Variants in KLHL7 observed in about 807,000 individuals in gnomAD.
KLHL7 encodes the protein kelch-like protein 7.
In KLHL7, 44 loss-of-function variants were observed where a neutral mutation model predicts 67.4. The ratio of observed to expected loss-of-function variants is 0.65; its 90% CI spans 0.51 to 0.84. The LOEUF (loss-of-function observed/expected upper bound fraction) is 0.84. Among genes scored for constraint, KLHL7 ranks in the 40% least tolerant of loss-of-function variants. The probability of loss-of-function intolerance (pLI) is 0.00; values close to 1 mark genes in which losing one functional copy is unlikely to be tolerated. For synonymous variants in KLHL7, 252 were observed against 243.3 expected (o/e 1.04, Z -0.33); for missense variants, 362 against 718.1 (o/e 0.50, Z 5.67).
chr7:23,128,162 T>C (rs1413098008), intron 4 of KLHL7, among the ~76,000 whole-genome samples: 1 of 147,134 alleles, frequency 6.8e-6, no homozygotes, highest in Non-Finnish European at 1.5e-5. Flanking sequence ...AACTTAAAAA[T>C]ACGATGTGTA....
At chr7:23,123,944 G>A in intron 2 of KLHL7, 65 bp downstream of exon 2, 3 of 1,118,030 alleles carry the variant, frequency 2.7e-6, no homozygotes, top group Non-Finnish European at 4.0e-6. Context: ...ATCTAAAAGA[G>A]AATATGTCAT....
At chr7:23,121,664 A>G (rs1783347405) in intron 1 of KLHL7, among the ~76,000 whole-genome samples, 1 of 145,766 alleles carries the variant, frequency 6.9e-6, no homozygotes, top group South Asian at 2.1e-4. Context: ...GCCTTTCACT[A>G]TAGGTCAGTC....
intron 1 of KLHL7, among the ~76,000 whole-genome samples, chr7:23,121,355 C>G (rs1343167146): frequency 2.0e-5 from 3 of 152,116 alleles, no homozygotes; most frequent in African/African-American, 4.8e-5. Context: ...GATGCAATCA[C>G]AACTCACTGC....
chr7:23,125,096 C>CCAG lies in KLHL7; in HGVS notation c.368_369insGCA (p.Gln123dup). 1 of 1,611,798 alleles carries CCAG rather than the reference C, an allele frequency of 6.2e-7. No homozygotes were observed. Among genetic ancestry groups the CCAG allele is most frequent in the Non-Finnish European group, 8.5e-7 (1 of 1,178,028 alleles). ...TTCAGTCTTTGCTGGATGCAGCAAACCAATATCAGATTGAACCTGTGAAGA... is the reference window on the plus strand; with the variant it reads ...TTCAGTCTTTGCTGGATGCAGCAAACCAGCAATATCAGATTGAACCTGTGAAGA... On this transcript the variant is annotated inframe_insertion, in exon 4 of 11. Transcript: ENST00000339077.
intron 5 of KLHL7, 33 bp downstream of exon 5, chr7:23,140,977 T>TA: frequency 1.3e-6 from 2 of 1,557,282 alleles, no homozygotes; most frequent in Non-Finnish European, 1.8e-6. Flanking sequence ...TTTTTCTTAA[T>TA]AAAAATGTCT....
chr7:23,157,614 C>G (rs1784746018), intron 7 of KLHL7, among the ~76,000 whole-genome samples: 1 of 84,900 alleles, frequency 1.2e-5, no homozygotes, highest in Non-Finnish European at 2.7e-5. Context: ...TAGAGAGTCT[C>G]AATTTCTTTT....
chr7:23,164,886 T>A (rs1426809750), intron 7 of KLHL7, among the ~76,000 whole-genome samples: 2 of 152,232 alleles, frequency 1.3e-5, no homozygotes, highest in Non-Finnish European at 2.9e-5. Flanking sequence ...CCCTGATTAT[T>A]TTCAGAAAAT....
At chr7:23,159,375 G>T (rs1784796656) in intron 7 of KLHL7, among the ~76,000 whole-genome samples, 3 of 152,106 alleles carry the variant, frequency 2.0e-5, no homozygotes. Context: ...TCACTATGTT[G>T]CCCAGGCTGG....
intron 4 of KLHL7, among the ~76,000 whole-genome samples, chr7:23,131,140 T>C (rs993523812): frequency 1.3e-5 from 2 of 152,320 alleles, no homozygotes; most frequent in East Asian, 3.9e-4. Context: ...CAAGGATGCA[T>C]GCTTATGTAC....
At position 23,177,144 on chromosome 7, in the gene KLHL7, T is replaced by C. The variant is rs1217840386; in HGVS notation, c.*2846T>C. 1.3e-5 allele frequency: 2 copies of C among 152,312 alleles called. No homozygotes were observed. The highest frequency in any genetic ancestry group is 1.9e-4 in the East Asian group (1 of 5,186). 9.4% of individuals were successfully genotyped at this position (152,312 alleles called of 1,614,324 possible). ...AACACAGAAAACCTCCCAAACACCA[T>C]AGCCCTAGGCAACCACTAATCTACT... On this transcript the variant is annotated 3_prime_UTR_variant, in exon 11 of 11. Transcript: ENST00000339077.
At chr7:23,119,290 T>C (rs1490646900) in intron 1 of KLHL7, among the ~76,000 whole-genome samples, 1 of 152,120 alleles carries the variant, frequency 6.6e-6, no homozygotes. Flanking sequence ...CTGCAGCCTC[T>C]GTCTCCTGGG....
At chr7:23,121,928 C>T (rs964144664) in intron 1 of KLHL7, among the ~76,000 whole-genome samples, 14 of 152,054 alleles carry the variant, frequency 9.2e-5, no homozygotes, top group African/African-American at 2.9e-4. Flanking sequence ...GTGATCCGCC[C>T]GCCTCAGCCT....
At chr7:23,149,903 C>T (rs571146082) in intron 6 of KLHL7, among the ~76,000 whole-genome samples, 1 of 152,308 alleles carries the variant, frequency 6.6e-6, no homozygotes, top group African/African-American at 2.4e-5. Flanking sequence ...TAAAGATGTT[C>T]ATTAATTCAC....
chr7:23,163,066 T>A (rs1784894853), intron 7 of KLHL7, among the ~76,000 whole-genome samples: 1 of 152,244 alleles, frequency 6.6e-6, no homozygotes, highest in Admixed American at 6.5e-5. Context: ...ATACATTATA[T>A]AAAATCAGTC....
intron 4 of KLHL7, among the ~76,000 whole-genome samples, chr7:23,131,808 C>T (rs59087918): frequency 0.022 from 3,314 of 149,702 alleles, 135 homozygotes; most frequent in African/African-American, 0.077. Flanking sequence ...CCTCTGGTAA[C>T]CATCTTTCTA....
At position 23,174,975 on chromosome 7, in the gene KLHL7, A is replaced by G; in HGVS notation, c.*677A>G. On this transcript the variant is annotated 3_prime_UTR_variant, in exon 11 of 11. Transcript: ENST00000339077. Reference sequence around the variant, plus strand: ...AATGTAAAGCTTAGCACCCATCATTAATTTATGTCTCTGTTTTATCCAGTG... The same window carrying G: ...AATGTAAAGCTTAGCACCCATCATTGATTTATGTCTCTGTTTTATCCAGTG... The G allele has an allele frequency of 2.2e-6, 1 of 449,826 alleles. No homozygotes were observed. Among genetic ancestry groups the G allele is most frequent in the Non-Finnish European group, 4.5e-6 (1 of 224,536 alleles). 27.9% of individuals were successfully genotyped at this position (449,826 alleles called of 1,614,324 possible).
intron 5 of KLHL7, among the ~76,000 whole-genome samples, chr7:23,141,333 A>G (rs937571695): frequency 3.3e-5 from 5 of 152,228 alleles, no homozygotes; most frequent in Non-Finnish European, 7.3e-5. Flanking sequence ...GGGAAGCAAA[A>G]GAAGGCAGCG....
At chr7:23,118,531 C>T (rs1783193190) in intron 1 of KLHL7, among the ~76,000 whole-genome samples, 1 of 152,198 alleles carries the variant, frequency 6.6e-6, no homozygotes, top group Admixed American at 6.5e-5. Flanking sequence ...GCCAGAATGC[C>T]TGGCTATCTG....
At position 23,106,165 on chromosome 7, in the gene KLHL7, T is replaced by A. The variant is rs1583624435; in HGVS notation, c.120+19T>A. The A allele has an allele frequency of 3.7e-6, 6 of 1,607,484 alleles. No individual in the cohort carries two copies. The highest frequency in any genetic ancestry group is 5.1e-6 in the Non-Finnish European group (6 of 1,177,240). On this transcript the variant is annotated intron_variant, in intron 1 of 10. Coordinates refer to ENST00000339077, the MANE Select transcript of KLHL7 (RefSeq NM_001031710.3). ...GAAACAGGTACCGCCTCTGTGGGAG[T>A]GACGGACGACGGTGGGAGGTGGTCC... is the stretch of plus-strand genomic sequence containing the variant.
Sources: allele counts gnomAD v4.1 joint callset (sites outside exome capture counted in the v4.1 genomes callset), GRCh38; gene constraint gnomAD v4.1.1; transcripts MANE v1.5; gene names NCBI Gene and HGNC (gene_info 2026-07-23, HGNC 2026-07-21).